RAPGEF1: variants seen among roughly 807,000 people sequenced by gnomAD.
RAPGEF1 encodes the protein CRK SH3-binding GNRP.
RAPGEF1 carries 33 observed loss-of-function variants against 143.3 expected under a neutral mutation model. The ratio of observed to expected loss-of-function variants is 0.23; its 90% CI spans 0.17 to 0.31. RAPGEF1 has a LOEUF of 0.31. Ranked by LOEUF, RAPGEF1 falls within the 10% of genes least tolerant of loss-of-function variation. The probability of loss-of-function intolerance (pLI) is 1.00; values close to 1 mark genes in which losing one functional copy is unlikely to be tolerated. For synonymous variants in RAPGEF1, 629 were observed against 676.5 expected, an observed-to-expected ratio of 0.93 and a Z score of 1.09; for missense variants, 1,199 against 1,645.4, an observed-to-expected ratio of 0.73 and a Z score of 4.69.
intron 1 of RAPGEF1, among the ~76,000 whole-genome samples, chr9:131,723,851 C>A (rs751092455): frequency 7.9e-5 from 12 of 152,148 alleles, no homozygotes; most frequent in South Asian, 2.1e-4. Context: ...TGGCGAGCTG[C>A]CATACTGTTT....
At chr9:131,726,757 T>G (rs1836700028) in intron 1 of RAPGEF1, among the ~76,000 whole-genome samples, 1 of 151,792 alleles carries the variant, frequency 6.6e-6, no homozygotes, top group Non-Finnish European at 1.5e-5. Context: ...GTGGTAGTGG[T>G]TATGCAAATC....
chr9:131,589,797 C>G lies in RAPGEF1; in HGVS notation c.2867+89G>C. The G allele has an allele frequency of 1.2e-5, 15 of 1,290,390 alleles. No individual in the cohort carries two copies. The South Asian group carries it at 1.8e-4, about 16-fold the overall frequency. The allele number at this position is 1,290,390 out of a possible 1,614,324, so 79.9% of individuals were successfully genotyped here. A position where few individuals can be genotyped will look rare whatever the true frequency, so the allele number is the denominator to read the frequency against. ...AAGATAGAGCAGGCAAGAGCCAGCT[C>G]TGCCCAGAGCCGATGGGCAGGAGAA... On this transcript the variant is annotated intron_variant, in intron 19 of 26. Transcript: ENST00000683357.
intron 1 of RAPGEF1, among the ~76,000 whole-genome samples, chr9:131,670,454 T>C (rs1261315719): frequency 1.3e-5 from 2 of 152,138 alleles, no homozygotes; most frequent in Non-Finnish European, 2.9e-5. Context: ...AATAAGCTGT[T>C]TATTAAGTGT....
At chr9:131,613,150 T>C (rs376096523) in intron 12 of RAPGEF1, among the ~76,000 whole-genome samples, 14 of 152,344 alleles carry the variant, frequency 9.2e-5, no homozygotes, top group South Asian at 4.1e-4. Context: ...TTTTCATCCT[T>C]GTAACAACCT....
chr9:131,726,010 C>T (rs1836641936), intron 1 of RAPGEF1, among the ~76,000 whole-genome samples: 1 of 152,034 alleles, frequency 6.6e-6, no homozygotes, highest in South Asian at 2.1e-4. Context: ...TCACCCGCCT[C>T]AGCCTCCCAA....
intron 1 of RAPGEF1, among the ~76,000 whole-genome samples, chr9:131,731,318 G>A (rs1186272172): frequency 6.6e-6 from 1 of 152,194 alleles, no homozygotes; most frequent in Admixed American, 6.5e-5. Context: ...GAAAGGAGGG[G>A]TTGAGAGTAG....
At chr9:131,691,562 T>C (rs1564171622) in intron 1 of RAPGEF1, among the ~76,000 whole-genome samples, 1 of 152,240 alleles carries the variant, frequency 6.6e-6, no homozygotes, top group African/African-American at 2.4e-5. Context: ...TGCTTTATTC[T>C]GATGCTTTTC....
intron 3 of RAPGEF1, among the ~76,000 whole-genome samples, chr9:131,644,463 C>T (rs776515917): frequency 2.6e-5 from 4 of 151,314 alleles, no homozygotes; most frequent in Non-Finnish European, 5.9e-5. Context: ...CTCAAGTAGT[C>T]GATTACATGT....
chr9:131,610,352 T>C (rs554923674), intron 12 of RAPGEF1, among the ~76,000 whole-genome samples: 6 of 152,302 alleles, frequency 3.9e-5, no homozygotes, highest in African/African-American at 1.4e-4. Flanking sequence ...TTGATCAGAA[T>C]GGTTGCTCCA....
chr9:131,716,977 T>G (rs561626393), intron 1 of RAPGEF1, among the ~76,000 whole-genome samples: 2 of 152,176 alleles, frequency 1.3e-5, no homozygotes, highest in East Asian at 3.9e-4. Flanking sequence ...CTGTCCCTCC[T>G]CTCCAGCGAG....
intron 12 of RAPGEF1, among the ~76,000 whole-genome samples, chr9:131,618,789 GTC>G (rs1959697639): frequency 6.6e-6 from 1 of 152,202 alleles, no homozygotes; most frequent in Admixed American, 6.5e-5. Context: ...AGGCTAAAAT[GTC>G]TCTGTCAGTT....
intron 1 of RAPGEF1, among the ~76,000 whole-genome samples, chr9:131,714,805 T>G (rs1835749924): frequency 6.7e-6 from 1 of 148,998 alleles, no homozygotes. Context: ...ACTGCTGGGC[T>G]CAAGCAATCC....
At chr9:131,729,707 C>T (rs1000857047) in intron 1 of RAPGEF1, among the ~76,000 whole-genome samples, 6 of 152,228 alleles carry the variant, frequency 3.9e-5, no homozygotes, top group African/African-American at 1.2e-4. Flanking sequence ...CTCTTGCTGC[C>T]TCCCTTTCCT....
At chr9:131,680,075 T>C (rs141102910) in intron 1 of RAPGEF1, among the ~76,000 whole-genome samples, 42 of 152,330 alleles carry the variant, frequency 2.8e-4, no homozygotes, top group African/African-American at 1.0e-3. Flanking sequence ...TAAACGCAAC[T>C]AAAACTCCCA....
At chr9:131,640,208 T>C (rs1442935322) in intron 4 of RAPGEF1, among the ~76,000 whole-genome samples, 1 of 152,228 alleles carries the variant, frequency 6.6e-6, no homozygotes, top group African/African-American at 2.4e-5. Flanking sequence ...GGGAATGTGC[T>C]TCTAACGGCT....
intron 17 of RAPGEF1, among the ~76,000 whole-genome samples, chr9:131,594,493 A>G (rs1179945696): frequency 6.6e-6 from 1 of 152,140 alleles, no homozygotes; most frequent in East Asian, 1.9e-4. Context: ...CTCCCTGCCA[A>G]GCCCTGCTTG....
intron 1 of RAPGEF1, among the ~76,000 whole-genome samples, chr9:131,670,965 G>C (rs547467116): frequency 6.6e-5 from 10 of 152,124 alleles, no homozygotes; most frequent in Non-Finnish European, 8.8e-5. Flanking sequence ...CAAGTGTTTT[G>C]AAAAGACAGC....
At chr9:131,623,334 GTATGTGCC>G (rs2132901641) in intron 10 of RAPGEF1, among the ~76,000 whole-genome samples, 1 of 152,158 alleles carries the variant, frequency 6.6e-6, no homozygotes, top group East Asian at 1.9e-4. Flanking sequence ...AGCAATGGTG[GTATGTGCC>G]TATGGTCCCA....
rs768743655 is a variant in RAPGEF1, at chr9:131,619,119, C to T, written c.1993G>A (p.Ala665Thr). The change falls in exon 12 of 27, where the codon GCT becomes ACT. Residue 665 changes from alanine (A) to threonine (T), a missense_variant. Physicochemically the swap from Ala to Thr is moderately conservative, Grantham distance 58 (BLOSUM62 0). This residue lies in a region of RAPGEF1 where 293 missense variants were observed against 356.2 expected (regional missense o/e 0.82). Transcript: ENST00000683357. ...GAGACGGACACACTGAGGCCCTGAGCGGCACTGCCGTCCTCGGGGGTGAAG... is the reference window on the plus strand; with the variant it reads ...GAGACGGACACACTGAGGCCCTGAGTGGCACTGCCGTCCTCGGGGGTGAAG... ...VAFTPEDGSAAQGLSVSVSNS... is the reference protein window; with the variant it reads ...VAFTPEDGSATQGLSVSVSNS... The T allele has an allele frequency of 8.2e-6, 11 of 1,345,108 alleles. No individual in the cohort carries two copies. The highest frequency in any genetic ancestry group is 2.1e-4 in the Middle Eastern group (1 of 4,768). 83.3% of individuals were successfully genotyped at this position (1,345,108 alleles called of 1,614,324 possible). A position where few individuals can be genotyped will look rare whatever the true frequency, so the allele number is the denominator to read the frequency against.
Sources: gnomAD v4.1 joint callset for allele counts (sites outside exome capture counted in the v4.1 genomes callset) on GRCh38, gnomAD v4.1.1 for gene constraint, gnomAD v4.1.1 regional missense constraint, MANE v1.5 for transcripts, NCBI Gene and HGNC (gene_info 2026-07-23, HGNC 2026-07-21) for gene names.